Variants in ICE1 observed in about 807,000 individuals in gnomAD.
The protein encoded by ICE1 is interactor of little elongation complex ELL subunit 1.
ICE1 carries 64 observed loss-of-function variants against 192.7 expected under a neutral mutation model. The ratio of observed to expected loss-of-function variants is 0.33; its 90% CI spans 0.27 to 0.41. The LOEUF is 0.41. Among genes scored for constraint, ICE1 ranks in the 10% least tolerant of loss-of-function variants. The pLI is 1.00. For missense variants in ICE1, 2,708 were observed against 2,696.0 expected, an observed-to-expected ratio of 1.00 and a Z score of -0.10; for synonymous variants, 1,010 against 984.5, an observed-to-expected ratio of 1.03 and a Z score of -0.49.
chr5:5,459,772 C>T (rs1738695954), intron 12 of ICE1, among the ~76,000 whole-genome samples: 1 of 152,168 alleles, frequency 6.6e-6, no homozygotes, highest in Non-Finnish European at 1.5e-5. Flanking sequence ...CAGTGCACGC[C>T]AAGTGGGCCA....
chr5:5,437,024 A>C (rs1737889647), intron 2 of ICE1, 56 bp from the exon 3 acceptor site: 1 of 1,107,288 alleles, frequency 9.0e-7, no homozygotes, highest in African/African-American at 1.6e-5. Context: ...CATAATTTTA[A>C]CATAGTATAT....
intron 14 of ICE1, among the ~76,000 whole-genome samples, chr5:5,468,311 TGTG>T (rs559255460): frequency 1.0e-3 from 153 of 152,328 alleles, no homozygotes; most frequent in Middle Eastern, 6.8e-3. Context: ...TATTGACTGT[TGTG>T]GTGGTGGTTT....
Position 5,443,234 on chromosome 5 carries a change from AGT to A in ICE1, c.378_379del (p.Ser126ArgfsTer10), listed in dbSNP as rs1473419189. On this transcript the variant is annotated frameshift_variant, in exon 6 of 19. Transcript: ENST00000296564. LOFTEE classifies it high-confidence loss of function. ...YARVKEECLK[S>X]DAQKKKLEAK... Reference sequence around the variant, plus strand: ...TCGTGTAAAGGAAGAATGCTTGAAGAGTGATGCTCAGTAAGTAGTTACTAAAT... The same window carrying A: ...TCGTGTAAAGGAAGAATGCTTGAAGAGATGCTCAGTAAGTAGTTACTAAAT... 1 of 1,482,100 alleles carries A rather than the reference AGT, an allele frequency of 6.7e-7. No homozygotes were observed. Among genetic ancestry groups the A allele is most frequent in the Non-Finnish European group, 9.1e-7 (1 of 1,101,054 alleles). The allele number at this position is 1,482,100 out of a possible 1,614,324, so 91.8% of individuals were successfully genotyped here. A position where few individuals can be genotyped will look rare whatever the true frequency, so the allele number is the denominator to read the frequency against.
In ICE1 at chr5:5,461,216, A is replaced by G. The variant is rs1738765194; in HGVS notation, c.1882A>G (p.Thr628Ala). 1 of 1,613,778 alleles carries G rather than the reference A, an allele frequency of 6.2e-7. No individual in the cohort carries two copies. Among genetic ancestry groups the G allele is most frequent in the Non-Finnish European group, 8.5e-7 (1 of 1,179,870 alleles). ...GMDVAGLDIE[T>A]SFSSSSTLVA... ...GGATGTAGCAGGGCTTGACATTGAA[A>G]CCAGTTTTTCTTCCTCTTCTACCTT... The change falls in exon 13 of 19, where the codon ACC becomes GCC. Residue 628 changes from threonine to alanine, a missense_variant. Coordinates refer to ENST00000296564, the MANE Select transcript of ICE1 (RefSeq NM_015325.3).
Position 5,465,196 on chromosome 5 carries a change from A to T in ICE1, c.5862A>T (p.Glu1954Asp). Reference protein sequence around the residue: ...KKPVMRDQEKEVVYEFSTTKK... With the variant: ...KKPVMRDQEKDVVYEFSTTKK... ...CCGTAATGAGAGATCAAGAGAAGGA[A>T]GTTGTTTATGAATTTAGCACAACAA... Residue 1954 changes from glutamate to aspartate, a missense_variant, in exon 13 of 19, where the codon GAA becomes GAT. Physicochemically the swap from Glu to Asp is conservative, Grantham distance 45. Transcript: ENST00000296564. 1.3e-6 allele frequency: 2 copies of T among 1,589,742 alleles called. No individual in the cohort carries two copies. Among genetic ancestry groups the T allele is most frequent in the Non-Finnish European group, 1.7e-6 (2 of 1,167,072 alleles).
chr5:5,427,006 A>G (rs1052153253), intron 1 of ICE1, among the ~76,000 whole-genome samples: 3 of 152,228 alleles, frequency 2.0e-5, no homozygotes, highest in African/African-American at 7.2e-5. Flanking sequence ...TCTGAACTGT[A>G]ATGTTAGGCT....
intron 1 of ICE1, 111 bp downstream of exon 1, chr5:5,423,110 C>A (rs570613889): frequency 3.7e-6 from 2 of 538,260 alleles, no homozygotes; most frequent in South Asian, 6.5e-5. Context: ...CGCTGCTCTC[C>A]CTTCCCAACC....
At chr5:5,447,989 GC>G in intron 10 of ICE1, 92 bp downstream of exon 10, 2 of 955,232 alleles carry the variant, frequency 2.1e-6, no homozygotes, top group Non-Finnish European at 1.6e-6. Context: ...TTGTGAAAGT[GC>G]CAGGGCTTAG....
At chr5:5,477,301 G>A (rs1202192801) in intron 17 of ICE1, among the ~76,000 whole-genome samples, 2 of 152,042 alleles carry the variant, frequency 1.3e-5, no homozygotes, top group East Asian at 3.9e-4. Context: ...AATGATAAAG[G>A]GGTTATCACC....
chr5:5,433,718 A>G (rs1030088023), intron 1 of ICE1, among the ~76,000 whole-genome samples: 2 of 152,176 alleles, frequency 1.3e-5, no homozygotes, highest in Non-Finnish European at 2.9e-5. Context: ...AGGTCATTCT[A>G]AAATACTGGG....
rs569970947 is a variant in ICE1, at chr5:5,460,457, A to G, written c.1123A>G (p.Thr375Ala). The G allele has an allele frequency of 4.0e-5, 63 of 1,594,394 alleles. 2 individuals carry two copies. In the African/African-American group the frequency reaches 6.1e-4, roughly 15 times the overall value. The change falls in exon 13 of 19, where the codon ACA (threonine) becomes GCA (alanine). Residue 375 changes from threonine to alanine, a missense_variant. Physicochemically the swap from Thr to Ala is moderately conservative, Grantham distance 58. Around this residue, in one of 2 missense-constraint regions of ICE1, gnomAD observed 2,366 missense variants for 2,276.6 expected, o/e 1.04. Coordinates refer to ENST00000296564, the MANE Select transcript of ICE1 (RefSeq NM_015325.3). ...TAAGGAAACCTACTTTGGAGAATAC[A>G]CAGATTCCAGCGATAATGACTCAGT... ...FAPETYFGEY[T>A]DSSDNDSVQL...
intron 10 of ICE1, among the ~76,000 whole-genome samples, chr5:5,450,808 T>C (rs1738392928): frequency 6.6e-6 from 1 of 152,194 alleles, no homozygotes. Context: ...ATACTGCTAG[T>C]ATGTACCTAA....
At chr5:5,444,250 CTCTT>C (rs1343616876) in intron 6 of ICE1, 35 bp from the exon 7 acceptor site, 3 of 1,400,102 alleles carry the variant, frequency 2.1e-6, no homozygotes, top group Admixed American at 2.4e-5. Context: ...TTCCTATTCT[CTCTT>C]TCTTGCCATT....
At chr5:5,430,205 C>T (rs931251073) in intron 1 of ICE1, among the ~76,000 whole-genome samples, 8 of 152,116 alleles carry the variant, frequency 5.3e-5, no homozygotes, top group African/African-American at 1.9e-4. Context: ...TCGCCCTTCA[C>T]CCAGGCACAC....
intron 7 of ICE1, among the ~76,000 whole-genome samples, chr5:5,446,503 C>G (rs1738227733): frequency 6.6e-6 from 1 of 152,086 alleles, no homozygotes; most frequent in African/African-American, 2.4e-5. Context: ...GTTGCCCAGG[C>G]TGGTCTTGAA....
At position 5,462,596 on chromosome 5, in the gene ICE1, A is replaced by G. The variant is rs866538489; in HGVS notation, c.3262A>G (p.Ser1088Gly). 1.2e-6 allele frequency: 2 copies of G among 1,613,998 alleles called. No homozygotes were observed. The highest frequency in any genetic ancestry group is 1.6e-4 in the Middle Eastern group (1 of 6,062). Residue 1088 changes from serine to glycine, a missense_variant, in exon 13 of 19, where the codon AGT becomes GGT. Around this residue, in one of 2 missense-constraint regions of ICE1, gnomAD observed 2,366 missense variants for 2,276.6 expected, o/e 1.04. Coordinates refer to ENST00000296564, the MANE Select transcript of ICE1 (RefSeq NM_015325.3). ...TGGAGAGACACAGGATACCTCCCAA[A>G]GTAGCCTGCCTGGTACCTTACATTG... Reference protein sequence around the residue: ...KHGETQDTSQSSLPGTLHCYT... With the variant: ...KHGETQDTSQGSLPGTLHCYT...
At chr5:5,479,964 A>G (rs1265136310) in intron 17 of ICE1, among the ~76,000 whole-genome samples, 1 of 152,160 alleles carries the variant, frequency 6.6e-6, no homozygotes, top group East Asian at 1.9e-4. Flanking sequence ...GAGGGAGAGC[A>G]TTAGGACAAA....
At chr5:5,426,239 G>C (rs766659338) in intron 1 of ICE1, among the ~76,000 whole-genome samples, 15 of 152,362 alleles carry the variant, frequency 9.8e-5, no homozygotes, top group Non-Finnish European at 1.8e-4. Context: ...GAGGTCAGGA[G>C]TTCAAGAACA....
At chr5:5,437,584 T>C (rs1479555637) in intron 3 of ICE1, 2 of 155,358 alleles carry the variant, frequency 1.3e-5, no homozygotes, top group Non-Finnish European at 2.8e-5. Flanking sequence ...ATCATAGAAA[T>C]AGCGTTGCTG....
Sources: allele counts gnomAD v4.1 joint callset (sites outside exome capture counted in the v4.1 genomes callset), GRCh38; gene constraint gnomAD v4.1.1; regional missense constraint gnomAD v4.1.1; transcripts MANE v1.5; gene names NCBI Gene and HGNC (gene_info 2026-07-23, HGNC 2026-07-21).